MRPL22: variants seen among roughly 807,000 people sequenced by gnomAD.
MRPL22 encodes large ribosomal subunit protein uL22m.
MRPL22 carries 27 observed loss-of-function variants against 32.4 expected under a neutral mutation model. The ratio of observed to expected loss-of-function variants is 0.83; its 90% CI spans 0.61 to 1.15. MRPL22 has a LOEUF of 1.15. Among genes scored for constraint, MRPL22 ranks in the 50% most tolerant of loss-of-function variants. MRPL22 has a pLI of 0.00. For synonymous variants in MRPL22, 86 were observed against 87.3 expected (o/e 0.99, Z 0.08); for missense variants, 239 against 260.2 (o/e 0.92, Z 0.56).
chr5:154,948,795 G>C (rs1764524521), intron 2 of MRPL22, among the ~76,000 whole-genome samples: 1 of 152,202 alleles, frequency 6.6e-6, no homozygotes, highest in African/African-American at 2.4e-5. Flanking sequence ...GACAGGATAA[G>C]TCTTGTCTTT....
intron 2 of MRPL22, among the ~76,000 whole-genome samples, chr5:154,943,268 C>CA (rs1189071761): frequency 1.3e-5 from 2 of 151,944 alleles, no homozygotes; most frequent in Non-Finnish European, 2.9e-5. Flanking sequence ...GCTAGAACTA[C>CA]AGGTGCATGC....
chr5:154,946,109 T>C (rs760289997), intron 2 of MRPL22, among the ~76,000 whole-genome samples: 27 of 151,962 alleles, frequency 1.8e-4, no homozygotes, highest in Non-Finnish European at 3.2e-4. Context: ...TCACCAAATA[T>C]GTATTGAAGA....
At position 154,949,893 on chromosome 5, in the gene MRPL22, C is replaced by A. The variant is rs187410686; in HGVS notation, c.78-928C>A. On this transcript the variant is annotated intron_variant, in intron 2 of 6. Coordinates refer to ENST00000523037, the MANE Select transcript of MRPL22 (RefSeq NM_014180.4). ...TTCCAATACTTAACAAATTCTCTGA[C>A]TCAGTCAGACCTCCCCTTATTTCTC... Among the ~76,000 whole-genome samples, 199 of 152,292 alleles carry A rather than the reference C, an allele frequency of 1.3e-3. 6 individuals carry two copies. The East Asian group carries it at 0.026, about 20-fold the overall frequency.
chr5:154,957,665 C>T lies in MRPL22; in HGVS notation c.339+453C>T, dbSNP rs116983980. Among the ~76,000 whole-genome samples the T allele has an allele frequency of 9.8e-4, 149 of 151,816 alleles. 2 individuals are homozygous for T. In the East Asian group the frequency reaches 0.024, roughly 24 times the overall value. ...AATTTTGTAACTAAATGGAAAGAGCCCTGGACTGGAACTCAAGAGACTTGG... is the reference window on the plus strand; with the variant it reads ...AATTTTGTAACTAAATGGAAAGAGCTCTGGACTGGAACTCAAGAGACTTGG... On this transcript the variant is annotated intron_variant, in intron 5 of 6. Coordinates refer to ENST00000523037, the MANE Select transcript of MRPL22 (RefSeq NM_014180.4).
At chr5:154,948,401 T>G (rs1316682824) in intron 2 of MRPL22, among the ~76,000 whole-genome samples, 1 of 152,250 alleles carries the variant, frequency 6.6e-6, no homozygotes, top group African/African-American at 2.4e-5. Flanking sequence ...ACTCTGTAGG[T>G]TTTTTATTCA....
intron 2 of MRPL22, among the ~76,000 whole-genome samples, chr5:154,947,541 G>T (rs146345884): frequency 9.9e-5 from 15 of 152,274 alleles, no homozygotes; most frequent in African/African-American, 3.1e-4. Context: ...AAAAACAAAG[G>T]TTTTGTTTGC....
intron 2 of MRPL22, among the ~76,000 whole-genome samples, chr5:154,947,822 G>T (rs981259911): frequency 2.6e-5 from 4 of 152,186 alleles, no homozygotes; most frequent in African/African-American, 9.7e-5. Flanking sequence ...AAGACAACGC[G>T]AGAATCATGA....
chr5:154,965,665 G>A (rs185063483), intron 6 of MRPL22, among the ~76,000 whole-genome samples: 164 of 152,174 alleles, frequency 1.1e-3, no homozygotes, highest in African/African-American at 3.6e-3. Context: ...GTGGTGATCC[G>A]CCCGCCTTGG....
chr5:154,945,352 C>A (rs1764475600), intron 2 of MRPL22, among the ~76,000 whole-genome samples: 1 of 152,116 alleles, frequency 6.6e-6, no homozygotes, highest in South Asian at 2.1e-4. Flanking sequence ...TAGAGTTAAC[C>A]ACTTACTGAG....
chr5:154,948,387 T>A (rs1764518937), intron 2 of MRPL22, among the ~76,000 whole-genome samples: 1 of 152,270 alleles, frequency 6.6e-6, no homozygotes, highest in Non-Finnish European at 1.5e-5. Flanking sequence ...CTGTTAAATC[T>A]CTTACTCTGT....
chr5:154,959,746 A>T (rs1764677103), intron 5 of MRPL22, among the ~76,000 whole-genome samples: 1 of 152,154 alleles, frequency 6.6e-6, no homozygotes, highest in Non-Finnish European at 1.5e-5. Context: ...TAGCTTACAC[A>T]TGTCATTTAA....
At chr5:154,941,764 G>A (rs780533016) in intron 2 of MRPL22, among the ~76,000 whole-genome samples, 1 of 152,170 alleles carries the variant, frequency 6.6e-6, no homozygotes, top group East Asian at 1.9e-4. Context: ...CTTGCCTAAG[G>A]CCACTCAGTT....
chr5:154,966,460 G>C (rs1189500843), intron 6 of MRPL22, among the ~76,000 whole-genome samples: 1 of 152,118 alleles, frequency 6.6e-6, no homozygotes, highest in Non-Finnish European at 1.5e-5. Context: ...CTGCTTGGAG[G>C]CAGGGGCCTT....
chr5:154,944,523 T>C (rs1764463183), intron 2 of MRPL22, among the ~76,000 whole-genome samples: 1 of 152,230 alleles, frequency 6.6e-6, no homozygotes. Context: ...TCATTGATTC[T>C]ACAAATATGT....
At position 154,963,852 on chromosome 5, in the gene MRPL22, G is replaced by T. The variant is rs866548043; in HGVS notation, c.410-2834G>T. On this transcript the variant is annotated intron_variant, in intron 6 of 6. Transcript: ENST00000523037. ...GACTTTCTAGAAAAAATTGGCATGT[G>T]AAGATAGGCTTTTGGGAGTCTGGAG... 3.9e-5 allele frequency among the ~76,000 whole-genome samples: 6 copies of T among 152,300 alleles called. 1 individual carries two copies. The Middle Eastern group carries it at 0.014, about 345-fold the overall frequency.
At chr5:154,946,352 C>T (rs1306674804) in intron 2 of MRPL22, among the ~76,000 whole-genome samples, 1 of 152,128 alleles carries the variant, frequency 6.6e-6, no homozygotes, top group Non-Finnish European at 1.5e-5. Flanking sequence ...GTGTACCCTA[C>T]TCGCTAATTA....
chr5:154,941,620 C>T (rs1244817390), intron 2 of MRPL22, among the ~76,000 whole-genome samples: 1 of 152,210 alleles, frequency 6.6e-6, no homozygotes, highest in Admixed American at 6.5e-5. Flanking sequence ...TTGTGGACAA[C>T]TCTGCTTTAC....
intron 3 of MRPL22, among the ~76,000 whole-genome samples, chr5:154,951,382 T>TAA (rs1764559603): frequency 6.6e-6 from 1 of 152,230 alleles, no homozygotes; most frequent in South Asian, 2.1e-4. Flanking sequence ...AGTTTGAACT[T>TAA]AATCATTGGG....
chr5:154,945,929 A>G (rs1764484149), intron 2 of MRPL22, among the ~76,000 whole-genome samples: 1 of 152,212 alleles, frequency 6.6e-6, no homozygotes, highest in African/African-American at 2.4e-5. Context: ...CTTCTAAATT[A>G]AGAACCCCAT....
Sources: gnomAD v4.1 joint callset for allele counts (sites outside exome capture counted in the v4.1 genomes callset) on GRCh38, gnomAD v4.1.1 for gene constraint, MANE v1.5 for transcripts, NCBI Gene and HGNC (gene_info 2026-07-23, HGNC 2026-07-21) for gene names.